NEDD9: variants seen among roughly 807,000 people sequenced by gnomAD.
The protein encoded by NEDD9 is neural precursor cell expressed, developmentally down-regulated 9.
Under a neutral mutation model 76.6 loss-of-function variants are expected in NEDD9, and 26 were observed. The ratio of observed to expected loss-of-function variants is 0.34; its 90% confidence interval spans 0.25 to 0.47. NEDD9 has a LOEUF of 0.47. Ranked by LOEUF, NEDD9 falls within the 20% of genes least tolerant of loss-of-function variation. The pLI is 1.00. For missense variants in NEDD9, 937 were observed against 1,058.5 expected (o/e 0.89, Z 1.59); for synonymous variants, 392 against 414.2 (o/e 0.95, Z 0.65).
At position 11,191,067 on chromosome 6, in the gene NEDD9, T is replaced by C; in HGVS notation, c.802A>G (p.Thr268Ala). 6.2e-7 allele frequency: 1 copy of C among 1,614,012 alleles called. No individual in the cohort carries two copies. The change falls in exon 5 of 7, where the codon ACC becomes GCC. Residue 268 changes from threonine to alanine, a missense_variant. Thr to Ala is a moderately conservative substitution (Grantham distance 58). Transcript: ENST00000379446. ...TGAAGGTCCTTCCCTGCTGGCTTGG[T>C]GCAGGTTGGAGGAATGTCATAAACC... ...EGVYDIPPTC[T>A]KPAGKDLHVK... is the part of the protein sequence containing the mutation.
Position 11,322,525 on chromosome 6 carries a change from C to G in NEDD9, c.-153+11976G>C, listed in dbSNP as rs183905345. Among the ~76,000 whole-genome samples the G allele has an allele frequency of 9.3e-4, 141 of 152,188 alleles. 1 individual carries two copies. In the Middle Eastern group the frequency reaches 0.041, roughly 44 times the overall value. On this transcript the variant is annotated intron_variant, in intron 2 of 3. Coordinates refer to the NEDD9 transcript ENST00000397378. ...TGCCATTGTCAGACATGTGGCTAAG[C>G]CTGCAAGGATGAGAGAGGAAGGAGG...
chr6:11,213,383 T>G lies in NEDD9; in HGVS notation c.357A>C (p.Gln119His). 1 of 1,614,044 alleles carries G rather than the reference T, an allele frequency of 6.2e-7. No individual in the cohort carries two copies. Among genetic ancestry groups the G allele is most frequent in the Non-Finnish European group, 8.5e-7 (1 of 1,180,010 alleles). ...PPSYQNQGIY[Q>H]VPTGHGTQEQ... The stretch of plus-strand genomic sequence containing the variant: ...CTTGGGTGCCGTGGCCAGTGGGGAC[T>G]TGGTAAATTCCCTGATTTTGGTAGG... Residue 119 changes from glutamine (Q) to histidine (H), a missense_variant, in exon 2 of 7, where the codon CAA becomes CAC. Coordinates refer to ENST00000379446, the MANE Select transcript of NEDD9 (RefSeq NM_006403.4). This position sits in a 1 kb window ranked among gnomAD's most constrained non-coding sequence, Gnocchi z 5.4.
At chr6:11,346,944 C>T (rs180887091) in intron 1 of NEDD9, among the ~76,000 whole-genome samples, 2 of 152,230 alleles carry the variant, frequency 1.3e-5, no homozygotes, top group Admixed American at 6.5e-5. Flanking sequence ...TTACCTGCTC[C>T]CCAAACTCCA....
intron 1 of NEDD9, among the ~76,000 whole-genome samples, chr6:11,224,494 G>C (rs1249543700): frequency 6.6e-6 from 1 of 152,080 alleles, no homozygotes; most frequent in African/African-American, 2.4e-5. Flanking sequence ...AGGGAAAGAG[G>C]GCTCAACATT....
At chr6:11,312,683 TTATATATATTATA>T (rs1761407490) in intron 2 of NEDD9, among the ~76,000 whole-genome samples, 1 of 98,692 alleles carries the variant, frequency 1.0e-5, no homozygotes, top group East Asian at 5.5e-4. Context: ...TAATTTTATA[TTATATATATTATA>T]TATATATATA....
intron 2 of NEDD9, among the ~76,000 whole-genome samples, chr6:11,310,183 G>T (rs1023372532): frequency 6.6e-6 from 1 of 152,182 alleles, no homozygotes; most frequent in African/African-American, 2.4e-5. Flanking sequence ...TCAGCCTGCA[G>T]CTCATTAGTA....
intron 3 of NEDD9, among the ~76,000 whole-genome samples, chr6:11,254,352 C>G (rs760085426): frequency 2.0e-5 from 3 of 152,166 alleles, no homozygotes; most frequent in Non-Finnish European, 2.9e-5. Flanking sequence ...AACTCCCAAC[C>G]TCATGATCTG....
chr6:11,193,484 A>G (rs982676480), intron 3 of NEDD9, 107 bp downstream of exon 3: 3 of 712,984 alleles, frequency 4.2e-6, no homozygotes, highest in Non-Finnish European at 6.9e-6. Context: ...AAAGCTTCAT[A>G]TGACATATAT....
chr6:11,291,814 G>A (rs960571282), intron 3 of NEDD9, among the ~76,000 whole-genome samples: 2 of 152,276 alleles, frequency 1.3e-5, no homozygotes, highest in Non-Finnish European at 2.9e-5. Context: ...TGGGAAAATG[G>A]TCATGGAAGG....
Position 11,190,402 on chromosome 6 carries a change from C to G in NEDD9, c.1467G>C (p.Leu489=). The stretch of plus-strand genomic sequence containing the variant: ...TCTGGTGGGAGTCTTCAACTCGTTG[C>G]AGCTCCCGCTTCATCTTGTTGTGGA... ...LILHNKMKRE[L]QRVEDSHQIL... is the part of the protein sequence containing the mutation. The change falls in exon 5 of 7, where the codon CTG becomes CTC. Residue 489 remains leucine (L), a synonymous_variant. Transcript: ENST00000379446. This position sits in a 1 kb window ranked among gnomAD's most constrained non-coding sequence, Gnocchi z 5.8. 2 of 1,614,208 alleles carry G rather than the reference C, an allele frequency of 1.2e-6. No homozygotes were observed. The highest frequency in any genetic ancestry group is 1.7e-6 in the Non-Finnish European group (2 of 1,180,026).
At chr6:11,222,120 G>C (rs1470720457) in intron 1 of NEDD9, among the ~76,000 whole-genome samples, 1 of 152,188 alleles carries the variant, frequency 6.6e-6, no homozygotes, top group East Asian at 1.9e-4. Context: ...AGAAGAAAAA[G>C]AGGTTCCTAT....
intron 1 of NEDD9, among the ~76,000 whole-genome samples, chr6:11,214,906 CTT>C (rs1437076506): frequency 5.3e-5 from 8 of 152,152 alleles, no homozygotes; most frequent in Non-Finnish European, 4.4e-5. Context: ...AGGTTCATGA[CTT>C]TATTTTATAC....
At chr6:11,263,616 C>T (rs1032265953) in intron 3 of NEDD9, among the ~76,000 whole-genome samples, 2 of 152,158 alleles carry the variant, frequency 1.3e-5, no homozygotes, top group Admixed American at 6.5e-5. Context: ...CTGTTATTTT[C>T]GCCTTCCCAA....
chr6:11,255,283 C>T (rs967689702), intron 3 of NEDD9, among the ~76,000 whole-genome samples: 1 of 152,232 alleles, frequency 6.6e-6, no homozygotes, highest in Non-Finnish European at 1.5e-5. Context: ...CTCTGTTCCA[C>T]CCCAGAAGGG....
chr6:11,359,321 A>G (rs2113549171), intron 1 of NEDD9, among the ~76,000 whole-genome samples: 1 of 152,370 alleles, frequency 6.6e-6, no homozygotes, highest in Admixed American at 6.5e-5. Context: ...ATCAGAAGCA[A>G]ATGGGCCTTT....
intron 1 of NEDD9, among the ~76,000 whole-genome samples, chr6:11,346,990 G>T (rs371324326): frequency 3.3e-5 from 5 of 152,094 alleles, no homozygotes; most frequent in East Asian, 3.9e-4. Flanking sequence ...CATCCTTCAT[G>T]TATCTCCATG....
At chr6:11,345,752 C>T (rs924446432) in intron 1 of NEDD9, among the ~76,000 whole-genome samples, 2 of 152,224 alleles carry the variant, frequency 1.3e-5, no homozygotes, top group Non-Finnish European at 2.9e-5. Flanking sequence ...CATGACACAT[C>T]ATGCATTGGT....
intron 1 of NEDD9, among the ~76,000 whole-genome samples, chr6:11,230,656 G>A (rs1759441743): frequency 6.6e-6 from 1 of 151,554 alleles, no homozygotes; most frequent in South Asian, 2.1e-4. Context: ...AGTCATCATA[G>A]GGCATAAGTC....
chr6:11,189,917 C>T (rs763779380), intron 5 of NEDD9, 47 bp downstream of exon 5: 9 of 1,498,170 alleles, frequency 6.0e-6, no homozygotes, highest in Non-Finnish European at 8.0e-6. Context: ...TCTCAGGCTC[C>T]CTGCATGTGA....
Sources: allele counts gnomAD v4.1 joint callset (sites outside exome capture counted in the v4.1 genomes callset), GRCh38; gene constraint gnomAD v4.1.1; non-coding constraint Gnocchi (gnomAD v3.1); transcripts MANE v1.5; gene names NCBI Gene and HGNC (gene_info 2026-07-23, HGNC 2026-07-21).